NR3C2: variants seen among roughly 807,000 people sequenced by gnomAD.
NR3C2 encodes nuclear receptor subfamily 3 group C member 2, also known as mineralocorticoid receptor.
Under a neutral mutation model 86.4 loss-of-function variants are expected in NR3C2, and 15 were observed. The observed-to-expected ratio is 0.17, with a 90% CI of 0.12 to 0.27. The LOEUF is 0.27. NR3C2 is among the 10% of genes least tolerant of loss of function. NR3C2 has a pLI of 1.00. For synonymous variants in NR3C2, 458 were observed against 450.5 expected, an observed-to-expected ratio of 1.02 and a Z score of -0.21; for missense variants, 960 against 1,195.6, an observed-to-expected ratio of 0.80 and a Z score of 2.91.
At chr4:148,229,352 T>A (rs533808150) in intron 3 of NR3C2, among the ~76,000 whole-genome samples, 6 of 152,146 alleles carry the variant, frequency 3.9e-5, no homozygotes, top group Non-Finnish European at 7.4e-5. Flanking sequence ...AGAACTTTCT[T>A]TTTACCTAAT....
chr4:148,438,876 T>C (rs901865730), intron 1 of NR3C2, among the ~76,000 whole-genome samples: 6 of 152,238 alleles, frequency 3.9e-5, no homozygotes, highest in African/African-American at 1.2e-4. Context: ...AGTGGATACA[T>C]TGAAAAAATT....
At chr4:148,152,398 A>G in intron 6 of NR3C2, 71 bp downstream of exon 6, 1 of 1,532,754 alleles carries the variant, frequency 6.5e-7, no homozygotes, top group African/African-American at 1.4e-5. Flanking sequence ...ATCTGTTTAG[A>G]AATTACTGAA....
At chr4:148,201,083 A>G (rs1412035794) in intron 3 of NR3C2, 1 of 152,176 alleles carries the variant, frequency 6.6e-6, no homozygotes, top group African/African-American at 2.4e-5. Context: ...TGCGGCCTCT[A>G]TGGCAGGCAC....
At chr4:148,107,758 A>G (rs988295779) in intron 8 of NR3C2, among the ~76,000 whole-genome samples, 24 of 152,330 alleles carry the variant, frequency 1.6e-4, no homozygotes, top group Middle Eastern at 3.4e-3. Flanking sequence ...AGAAAAGCAA[A>G]CACTACATGT....
At chr4:148,422,751 T>G (rs1749342200) in intron 2 of NR3C2, among the ~76,000 whole-genome samples, 1 of 152,204 alleles carries the variant, frequency 6.6e-6, no homozygotes, top group South Asian at 2.1e-4. Flanking sequence ...AACCAGTAGT[T>G]GGCTCTTCCT....
intron 2 of NR3C2, among the ~76,000 whole-genome samples, chr4:148,267,327 C>A (rs1413197091): frequency 6.6e-6 from 1 of 150,762 alleles, no homozygotes; most frequent in African/African-American, 2.4e-5. Flanking sequence ...GCTCTGTTGC[C>A]CAGGCTGAAT....
chr4:148,305,188 G>C (rs182131243), intron 2 of NR3C2, among the ~76,000 whole-genome samples: 1 of 152,022 alleles, frequency 6.6e-6, no homozygotes, highest in African/African-American at 2.4e-5. Context: ...GTAGGAAATC[G>C]TTCATTTTTC....
intron 2 of NR3C2, among the ~76,000 whole-genome samples, chr4:148,371,118 G>C (rs1294311294): frequency 6.6e-6 from 1 of 152,166 alleles, no homozygotes; most frequent in African/African-American, 2.4e-5. Flanking sequence ...GAGGCATGCA[G>C]TGCATAATAA....
chr4:148,325,536 C>G (rs762283047), intron 2 of NR3C2, among the ~76,000 whole-genome samples: 3 of 152,152 alleles, frequency 2.0e-5, no homozygotes, highest in Non-Finnish European at 4.4e-5. Context: ...TGCAGTAACA[C>G]TGCTTGAAAT....
At chr4:148,279,804 C>T (rs1741145526) in intron 2 of NR3C2, among the ~76,000 whole-genome samples, 1 of 152,160 alleles carries the variant, frequency 6.6e-6, no homozygotes, top group East Asian at 1.9e-4. Flanking sequence ...TGGCTCACTG[C>T]AACCTCTGCC....
chr4:148,097,741 G>GTTTTTTTTTTTTTTTTTTTTT (rs1180902227), intron 8 of NR3C2, among the ~76,000 whole-genome samples: 2 of 107,504 alleles, frequency 1.9e-5, no homozygotes, highest in African/African-American at 4.3e-5. Flanking sequence ...ACTTTTTTGC[G>GTTTTTTTTTTTTTTTTTTTTT]TTTTTTTTTG....
rs1046119551 is a variant in NR3C2, at chr4:148,114,372, T to C, written c.2642-111A>G. On this transcript the variant is annotated intron_variant, in intron 7 of 8. Transcript: ENST00000358102. ...AGGTTAGATACTAAATCTCAATTAA[T>C]TGCATTTATGAATAAATATGGCAGC... The C allele has an allele frequency of 1.3e-5, 15 of 1,166,550 alleles. No homozygotes were observed. In the Admixed American group the frequency reaches 2.0e-4, roughly 15 times the overall value. 72.3% of individuals were successfully genotyped at this position (1,166,550 alleles called of 1,614,324 possible).
At chr4:148,321,370 G>A (rs1394034285) in intron 2 of NR3C2, among the ~76,000 whole-genome samples, 1 of 151,662 alleles carries the variant, frequency 6.6e-6, no homozygotes, top group Non-Finnish European at 1.5e-5. Context: ...TTGGGGTGGA[G>A]AGTTCTGTAG....
intron 3 of NR3C2, among the ~76,000 whole-genome samples, chr4:148,226,817 T>G (rs2149833725): frequency 6.6e-6 from 1 of 152,314 alleles, no homozygotes; most frequent in Non-Finnish European, 1.5e-5. Flanking sequence ...AATTTGCCAT[T>G]TGTATTTCTC....
intron 6 of NR3C2, among the ~76,000 whole-genome samples, chr4:148,149,541 C>T (rs1018742008): frequency 3.3e-5 from 5 of 151,990 alleles, no homozygotes; most frequent in East Asian, 1.9e-4. Flanking sequence ...GAAAAGGCAA[C>T]AAAAGAAGAG....
intron 2 of NR3C2, among the ~76,000 whole-genome samples, chr4:148,370,925 G>A (rs1746386608): frequency 6.6e-6 from 1 of 152,040 alleles, no homozygotes; most frequent in Non-Finnish European, 1.5e-5. Context: ...GCTATTCAGA[G>A]GAGCAATCAT....
At chr4:148,346,676 T>C (rs1235890229) in intron 2 of NR3C2, among the ~76,000 whole-genome samples, 3 of 152,102 alleles carry the variant, frequency 2.0e-5, no homozygotes, top group African/African-American at 7.2e-5. Flanking sequence ...TCCAAGACAG[T>C]ATGAAAAGGG....
chr4:148,280,930 A>G (rs1312838145), intron 2 of NR3C2, among the ~76,000 whole-genome samples: 5 of 152,208 alleles, frequency 3.3e-5, no homozygotes, highest in East Asian at 3.8e-4. Context: ...TCTTTATTAA[A>G]CCATGTTTGA....
At chr4:148,117,479 C>G (rs1161964309) in intron 7 of NR3C2, among the ~76,000 whole-genome samples, 1 of 152,128 alleles carries the variant, frequency 6.6e-6, no homozygotes, top group Non-Finnish European at 1.5e-5. Context: ...GGTAAAGTTC[C>G]AAGCCATCGG....
Sources: allele counts gnomAD v4.1 joint callset (sites outside exome capture counted in the v4.1 genomes callset), GRCh38; gene constraint gnomAD v4.1.1; transcripts MANE v1.5; gene names NCBI Gene and HGNC (gene_info 2026-07-23, HGNC 2026-07-21).